Variants in CPA6 observed in about 807,000 individuals in gnomAD.
CPA6 encodes carboxypeptidase A6.
CPA6 carries 58 observed loss-of-function variants against 63.3 expected under a neutral mutation model. The observed-to-expected ratio is 0.92, with a 90% CI of 0.74 to 1.14. CPA6 has a LOEUF of 1.14. Ranked by LOEUF, CPA6 falls within the 50% of genes most tolerant of loss-of-function variation. The pLI is 0.00. For synonymous variants in CPA6, 185 were observed against 179.0 expected (o/e 1.03, Z -0.27); for missense variants, 565 against 526.6 (o/e 1.07, Z -0.71).
chr8:67,572,850 A>C (rs1366685977), intron 2 of CPA6, among the ~76,000 whole-genome samples: 12 of 152,234 alleles, frequency 7.9e-5, no homozygotes, highest in Admixed American at 7.9e-4. Context: ...ACTACAGACC[A>C]ATATCTTTGA....
At chr8:67,630,981 G>A (rs923675652) in intron 1 of CPA6, among the ~76,000 whole-genome samples, 6 of 152,214 alleles carry the variant, frequency 3.9e-5, no homozygotes, top group African/African-American at 1.4e-4. Context: ...CTTGGGACCT[G>A]CAGCCCGCCA....
intron 8 of CPA6, among the ~76,000 whole-genome samples, chr8:67,459,854 A>G (rs1241420787): frequency 6.6e-6 from 1 of 152,206 alleles, no homozygotes; most frequent in African/African-American, 2.4e-5. Flanking sequence ...GTGTTAGTAT[A>G]GGTTTTTATC....
intron 6 of CPA6, among the ~76,000 whole-genome samples, chr8:67,493,535 T>G (rs994057325): frequency 6.6e-6 from 1 of 152,154 alleles, no homozygotes; most frequent in African/African-American, 2.4e-5. Context: ...CCTGCTTCCC[T>G]GAAAGTCTCC....
chr8:67,470,342 T>A (rs975156873), intron 8 of CPA6, among the ~76,000 whole-genome samples: 3 of 152,176 alleles, frequency 2.0e-5, no homozygotes, highest in Non-Finnish European at 4.4e-5. Flanking sequence ...GGATCATGTT[T>A]CTGATGTGCC....
At chr8:67,562,621 G>A (rs535165594) in intron 2 of CPA6, among the ~76,000 whole-genome samples, 3 of 152,274 alleles carry the variant, frequency 2.0e-5, no homozygotes, top group South Asian at 4.1e-4. Flanking sequence ...AGGAGGTGAC[G>A]CTTTTGGGAG....
intron 1 of CPA6, among the ~76,000 whole-genome samples, chr8:67,631,547 C>A (rs968553353): frequency 3.3e-5 from 5 of 151,656 alleles, no homozygotes; most frequent in African/African-American, 1.2e-4. Flanking sequence ...CCAATCAGCT[C>A]TCTGTAAAAT....
At position 67,455,663 on chromosome 8, in the gene CPA6, C is replaced by CAAAAAAAAAAAAAAAAAAA. The variant is rs552041509; in HGVS notation, c.839-21442_839-21424dup. ...TAGTGAAGCCCCTTCTCTACAAAAG[C>CAAAAAAAAAAAAAAAAAAA]AAAAAAAAAAAAAAAAAAAAAAAAA... is the stretch of plus-strand genomic sequence containing the variant. On this transcript the variant is annotated intron_variant, in intron 8 of 10. Coordinates refer to ENST00000297770, the MANE Select transcript of CPA6 (RefSeq NM_020361.5). Among the ~76,000 whole-genome samples, 5 of 30,250 alleles carry CAAAAAAAAAAAAAAAAAAA rather than the reference C, an allele frequency of 1.7e-4. 1 individual carries two copies. The highest frequency in any genetic ancestry group is 2.1e-4 in the Non-Finnish European group (4 of 19,222). 19.8% of individuals were successfully genotyped at this position (30,250 alleles called of 152,430 possible). A position where few individuals can be genotyped will look rare whatever the true frequency, so the allele number is the denominator to read the frequency against.
At chr8:67,679,235 G>A (rs560272483) in intron 1 of CPA6, among the ~76,000 whole-genome samples, 27 of 152,204 alleles carry the variant, frequency 1.8e-4, no homozygotes, top group African/African-American at 4.8e-4. Context: ...CAAAAGCCCC[G>A]AACATTCTGA....
chr8:67,483,745 A>C, intron 8 of CPA6, 23 bp downstream of exon 8: 1 of 1,598,010 alleles, frequency 6.3e-7, no homozygotes, highest in South Asian at 1.1e-5. Context: ...TTGGATCTGG[A>C]TCCCAGTTGG....
chr8:67,555,480 C>T (rs186245158), intron 2 of CPA6, among the ~76,000 whole-genome samples: 3 of 152,278 alleles, frequency 2.0e-5, no homozygotes, highest in East Asian at 1.9e-4. Flanking sequence ...CCCTCATCCC[C>T]GTACCTTGCC....
intron 2 of CPA6, among the ~76,000 whole-genome samples, chr8:67,559,876 C>T (rs1353277555): frequency 4.7e-5 from 6 of 128,926 alleles, no homozygotes; most frequent in Non-Finnish European, 1.1e-4. Context: ...TGTATACACA[C>T]ACACACACAC....
chr8:67,712,622 G>T (rs1030415406), intron 1 of CPA6, among the ~76,000 whole-genome samples: 1 of 152,062 alleles, frequency 6.6e-6, no homozygotes, highest in African/African-American at 2.4e-5. Flanking sequence ...CCACATGTGG[G>T]GACAGAGATT....
intron 2 of CPA6, among the ~76,000 whole-genome samples, chr8:67,564,585 C>G (rs2128975164): frequency 6.6e-6 from 1 of 152,174 alleles, no homozygotes; most frequent in South Asian, 2.1e-4. Context: ...GAATCAAAGG[C>G]ACAGAATGTT....
intron 9 of CPA6, among the ~76,000 whole-genome samples, chr8:67,431,450 C>T (rs1004579125): frequency 1.3e-5 from 2 of 151,434 alleles, no homozygotes; most frequent in East Asian, 2.0e-4. Flanking sequence ...AACCATGTTG[C>T]CCAGGCTGCT....
intron 1 of CPA6, among the ~76,000 whole-genome samples, chr8:67,651,054 A>C (rs1815825488): frequency 6.6e-6 from 1 of 152,082 alleles, no homozygotes; most frequent in African/African-American, 2.4e-5. Flanking sequence ...AGAATCAAAG[A>C]ATTGTTGTAA....
chr8:67,424,382 G>T (rs1449221431), intron 10 of CPA6, among the ~76,000 whole-genome samples: 5 of 152,134 alleles, frequency 3.3e-5, no homozygotes, highest in African/African-American at 4.8e-5. Context: ...GACTGCTGCT[G>T]TAGATGATTG....
At chr8:67,676,416 C>T (rs934664868) in intron 1 of CPA6, among the ~76,000 whole-genome samples, 4 of 152,184 alleles carry the variant, frequency 2.6e-5, no homozygotes, top group African/African-American at 9.7e-5. Flanking sequence ...GTTTTAATTA[C>T]TCCCTGTGAC....
rs145369417 is a variant in CPA6 at position 67,439,603 on chromosome 8, A to G, written c.839-5363T>C. On this transcript the variant is annotated intron_variant, in intron 8 of 10. Coordinates refer to ENST00000297770, the MANE Select transcript of CPA6 (RefSeq NM_020361.5). ...AGACTCGGTCTCAAAAAAAAAAAAG[A>G]AAGAAAAAGAAAAAGAAAGAAAAGA... 3.8e-3 allele frequency among the ~76,000 whole-genome samples: 577 copies of G among 150,702 alleles called. 8 individuals are homozygous for G. Among genetic ancestry groups the G allele is most frequent in the African/African-American group, 0.012 (510 of 40,924 alleles).
intron 1 of CPA6, among the ~76,000 whole-genome samples, chr8:67,729,457 A>T (rs532682999): frequency 1.3e-5 from 2 of 152,212 alleles, no homozygotes; most frequent in Non-Finnish European, 2.9e-5. Flanking sequence ...CAGGAGTAAC[A>T]ACAAAACTTC....
Sources: allele counts gnomAD v4.1 joint callset (sites outside exome capture counted in the v4.1 genomes callset), GRCh38; gene constraint gnomAD v4.1.1; transcripts MANE v1.5; gene names NCBI Gene and HGNC (gene_info 2026-07-23, HGNC 2026-07-21).